SCFD2: variants seen among roughly 807,000 people sequenced by gnomAD.
SCFD2 encodes sec1 family domain containing 2.
In SCFD2, 54 loss-of-function variants were observed where a neutral mutation model predicts 58.9. That is an observed-to-expected ratio of 0.92 (90% confidence interval 0.74 to 1.15). The LOEUF (loss-of-function observed/expected upper bound fraction) is 1.15. Among genes scored for constraint, SCFD2 ranks in the 50% most tolerant of loss-of-function variants. The probability of loss-of-function intolerance (pLI) is 0.00; values close to 1 mark genes in which losing one functional copy is unlikely to be tolerated. For missense variants in SCFD2, 805 were observed against 836.6 expected (o/e 0.96, Z 0.47); for synonymous variants, 321 against 335.9 (o/e 0.96, Z 0.49).
chr4:53,236,888 G>A (rs1356146025), intron 4 of SCFD2, among the ~76,000 whole-genome samples: 1 of 151,218 alleles, frequency 6.6e-6, no homozygotes, highest in Non-Finnish European at 1.5e-5. Flanking sequence ...TTCTCACAGA[G>A]GGGGATTTGG....
chr4:52,916,165 C>T (rs1316343027), intron 6 of SCFD2, among the ~76,000 whole-genome samples: 2 of 152,382 alleles, frequency 1.3e-5, no homozygotes, highest in South Asian at 2.1e-4. Flanking sequence ...GCCTAATATC[C>T]TCCTGGTGTC....
chr4:52,903,198 G>T (rs567024750), intron 7 of SCFD2, among the ~76,000 whole-genome samples: 46 of 152,362 alleles, frequency 3.0e-4, no homozygotes, highest in African/African-American at 1.1e-3. Context: ...GTGGAAAGGA[G>T]AAGAGAGCAT....
chr4:52,988,482 G>A (rs182125639), intron 5 of SCFD2, among the ~76,000 whole-genome samples: 1 of 152,180 alleles, frequency 6.6e-6, no homozygotes, highest in Non-Finnish European at 1.5e-5. Context: ...CTCCAGAAAG[G>A]CTTTAAGTTT....
intron 5 of SCFD2, among the ~76,000 whole-genome samples, chr4:53,121,933 GT>G (rs139556905): frequency 2.6e-5 from 4 of 151,682 alleles, no homozygotes; most frequent in Admixed American, 6.6e-5. Context: ...TATTTTTCTT[GT>G]TTTTTTTCCC....
chr4:52,929,227 C>G (rs995341968), intron 5 of SCFD2, among the ~76,000 whole-genome samples: 11 of 152,190 alleles, frequency 7.2e-5, no homozygotes, highest in Non-Finnish European at 1.5e-4. Context: ...GCAGATTCAT[C>G]TGGAGGTAGG....
chr4:53,183,713 A>T (rs1415029463), intron 4 of SCFD2, among the ~76,000 whole-genome samples: 1 of 152,110 alleles, frequency 6.6e-6, no homozygotes, highest in Non-Finnish European at 1.5e-5. Context: ...TAAAATAAGA[A>T]CATGCCTAAA....
At position 53,323,800 on chromosome 4, in the gene SCFD2, T is replaced by C. The variant is rs1460710355; in HGVS notation, c.1008-10037A>G. 2.0e-5 allele frequency among the ~76,000 whole-genome samples: 3 copies of C among 152,008 alleles called. No homozygotes were observed. The East Asian group carries it at 5.8e-4, about 29-fold the overall frequency. ...GTATTGTGTGACAAAAGTAGAGAGC[T>C]CTATGGTGTTGCTTAATTTCTGTGT... On this transcript the variant is annotated intron_variant, in intron 2 of 8. Coordinates refer to ENST00000401642, the MANE Select transcript of SCFD2 (RefSeq NM_152540.4).
intron 5 of SCFD2, among the ~76,000 whole-genome samples, chr4:52,936,064 C>T (rs1035483463): frequency 6.6e-6 from 1 of 151,952 alleles, no homozygotes; most frequent in Non-Finnish European, 1.5e-5. Context: ...CTCAAACTCC[C>T]GACCTCAGAT....
intron 2 of SCFD2, among the ~76,000 whole-genome samples, chr4:53,325,224 TAA>T (rs34208247): frequency 1.4e-3 from 186 of 133,134 alleles, no homozygotes; most frequent in Non-Finnish European, 2.2e-3. Context: ...TTTGTGACAG[TAA>T]AAAAAAAAAA....
chr4:53,167,807 C>T (rs575145320), intron 4 of SCFD2, among the ~76,000 whole-genome samples: 116 of 152,272 alleles, frequency 7.6e-4, no homozygotes, highest in Non-Finnish European at 1.4e-3. Flanking sequence ...TGCAATGTTT[C>T]TGCCCATGAA....
intron 5 of SCFD2, among the ~76,000 whole-genome samples, chr4:53,036,024 C>A (rs1325759988): frequency 6.6e-6 from 1 of 151,598 alleles, no homozygotes; most frequent in African/African-American, 2.4e-5. Flanking sequence ...GCACATGCAC[C>A]CATATCGTTT....
intron 3 of SCFD2, among the ~76,000 whole-genome samples, chr4:53,305,130 T>C (rs922071168): frequency 1.3e-5 from 2 of 152,158 alleles, no homozygotes; most frequent in African/African-American, 2.4e-5. Context: ...GATATCCTTT[T>C]TAAAGGCTGA....
At chr4:53,328,865 TG>T (rs1230023098) in intron 2 of SCFD2, among the ~76,000 whole-genome samples, 1 of 152,158 alleles carries the variant, frequency 6.6e-6, no homozygotes, top group Non-Finnish European at 1.5e-5. Context: ...TGCCAGACAG[TG>T]GGCGCAGGTC....
chr4:53,300,338 A>C (rs1732232185), intron 3 of SCFD2, among the ~76,000 whole-genome samples: 1 of 152,216 alleles, frequency 6.6e-6, no homozygotes, highest in South Asian at 2.1e-4. Flanking sequence ...AACAAAGATC[A>C]AAAGAGACAA....
chr4:53,357,565 C>A (rs1217005797), intron 1 of SCFD2, among the ~76,000 whole-genome samples: 4 of 152,100 alleles, frequency 2.6e-5, no homozygotes, highest in Non-Finnish European at 4.4e-5. Context: ...GTCACTAAGC[C>A]AGGATGTGAG....
chr4:53,077,888 A>C (rs1426652946), intron 5 of SCFD2, among the ~76,000 whole-genome samples: 2 of 152,182 alleles, frequency 1.3e-5, no homozygotes, highest in African/African-American at 4.8e-5. Context: ...TTTTATGTCT[A>C]AAATACATAG....
At chr4:53,311,772 A>C (rs1429049811) in intron 3 of SCFD2, among the ~76,000 whole-genome samples, 1 of 151,746 alleles carries the variant, frequency 6.6e-6, no homozygotes, top group Non-Finnish European at 1.5e-5. Context: ...AGTAGGTGGG[A>C]CTACAGGTGC....
chr4:52,929,776 A>G (rs1403613321), intron 5 of SCFD2, among the ~76,000 whole-genome samples: 1 of 152,208 alleles, frequency 6.6e-6, no homozygotes, highest in Non-Finnish European at 1.5e-5. Flanking sequence ...TACAAAAAGA[A>G]TAAAATACCT....
chr4:52,905,722 T>A (rs1257478675), intron 7 of SCFD2, among the ~76,000 whole-genome samples: 1 of 152,096 alleles, frequency 6.6e-6, no homozygotes, highest in African/African-American at 2.4e-5. Flanking sequence ...TCTTCCTAGG[T>A]GGAACCTGCT....
Sources: gnomAD v4.1 joint callset for allele counts (sites outside exome capture counted in the v4.1 genomes callset) on GRCh38, gnomAD v4.1.1 for gene constraint, MANE v1.5 for transcripts, NCBI Gene and HGNC (gene_info 2026-07-23, HGNC 2026-07-21) for gene names.